Variants in GLTP observed in about 807,000 individuals in gnomAD.
The protein encoded by GLTP is glycolipid transfer protein.
GLTP carries 22 observed loss-of-function variants against 24.0 expected under a neutral mutation model. The ratio of observed to expected loss-of-function variants is 0.92; its 90% CI spans 0.65 to 1.31. The LOEUF is 1.31. GLTP is among the 50% of genes most tolerant of loss of function. GLTP has a pLI of 0.00. For synonymous variants in GLTP, 92 were observed against 115.9 expected, an observed-to-expected ratio of 0.79 and a Z score of 1.33; for missense variants, 224 against 276.6, an observed-to-expected ratio of 0.81 and a Z score of 1.35.
chr12:109,860,812 C>T (rs1892862872), intron 1 of GLTP, among the ~76,000 whole-genome samples: 1 of 152,230 alleles, frequency 6.6e-6, no homozygotes, highest in Non-Finnish European at 1.5e-5. Context: ...GCCTGCCTCT[C>T]CTCCTCTCCC....
At chr12:109,867,166 T>C (rs1868555659) in intron 1 of GLTP, among the ~76,000 whole-genome samples, 1 of 151,998 alleles carries the variant, frequency 6.6e-6, no homozygotes. Context: ...CTTTTTTTTT[T>C]GAGACAGAGT....
At chr12:109,854,950 G>A (rs888389214) in intron 4 of GLTP, among the ~76,000 whole-genome samples, 19 of 152,250 alleles carry the variant, frequency 1.2e-4, no homozygotes, top group Non-Finnish European at 2.4e-4. Flanking sequence ...GGGTGGGCAG[G>A]CAGAGGGAGC....
intron 1 of GLTP, among the ~76,000 whole-genome samples, chr12:109,869,830 C>T (rs1234994707): frequency 6.6e-6 from 1 of 151,702 alleles, no homozygotes; most frequent in Non-Finnish European, 1.5e-5. Flanking sequence ...AGTGCAGTGG[C>T]GCGATCTCGG....
chr12:109,852,779 G>C (rs1892744532), intron 4 of GLTP, 42 bp from the exon 5 acceptor site: 1 of 1,375,540 alleles, frequency 7.3e-7, no homozygotes, highest in Non-Finnish European at 1.0e-6. Context: ...GCGTTAGCGG[G>C]GGCTGAGGAG....
At position 109,857,975 on chromosome 12, in the gene GLTP, A is replaced by G; in HGVS notation, c.163-316T>C. On this transcript the variant is annotated intron_variant, in intron 2 of 4. Transcript: ENST00000318348. This position sits in a 1 kb window ranked among gnomAD's most constrained non-coding sequence, Gnocchi z 4.3. Reference sequence around the variant, plus strand: ...AGGTCACACAGTTGGTACAGAGTTCATGTTCTCCAGCCACTACTGACACTG... The same window carrying G: ...AGGTCACACAGTTGGTACAGAGTTCGTGTTCTCCAGCCACTACTGACACTG... 2.3e-6 allele frequency: 1 copy of G among 439,670 alleles called. No individual in the cohort carries two copies. The highest frequency in any genetic ancestry group is 1.9e-5 in the South Asian group (1 of 51,890). 27.2% of individuals were successfully genotyped at this position (439,670 alleles called of 1,614,324 possible).
intron 1 of GLTP, among the ~76,000 whole-genome samples, chr12:109,865,968 G>C (rs1256165196): frequency 7.9e-5 from 12 of 152,144 alleles, no homozygotes; most frequent in African/African-American, 2.9e-4. Context: ...CCTCCTATAT[G>C]GGGGAGACGA....
intron 1 of GLTP, among the ~76,000 whole-genome samples, chr12:109,862,694 G>A (rs1394500688): frequency 2.6e-5 from 4 of 152,188 alleles, no homozygotes; most frequent in African/African-American, 9.6e-5. Context: ...AGGCTGCAAT[G>A]AGCTATGATT....
intron 1 of GLTP, 33 bp from the exon 2 acceptor site, chr12:109,858,774 C>T (rs751786915): frequency 1.8e-5 from 27 of 1,486,634 alleles, no homozygotes; most frequent in East Asian, 4.5e-5. Flanking sequence ...GATTGAGATT[C>T]GCAGCAAGAG....
chr12:109,854,008 G>A (rs1406425337), intron 4 of GLTP, among the ~76,000 whole-genome samples: 1 of 148,950 alleles, frequency 6.7e-6, no homozygotes, highest in Non-Finnish European at 1.5e-5. Context: ...GCCTCCCAAA[G>A]TGCTGGGATT....
At chr12:109,867,500 T>C (rs1473477790) in intron 1 of GLTP, among the ~76,000 whole-genome samples, 1 of 152,128 alleles carries the variant, frequency 6.6e-6, no homozygotes, top group Non-Finnish European at 1.5e-5. Context: ...CAGAATCTCC[T>C]GCAAAGAGAA....
intron 1 of GLTP, among the ~76,000 whole-genome samples, chr12:109,871,119 GCT>G: frequency 8.1e-6 from 1 of 123,594 alleles, no homozygotes; most frequent in African/African-American, 3.2e-5. Flanking sequence ...ACGGACTCTC[GCT>G]CTGTCCCAGG....
At chr12:109,870,925 T>C (rs187403832) in intron 1 of GLTP, among the ~76,000 whole-genome samples, 6 of 152,180 alleles carry the variant, frequency 3.9e-5, no homozygotes, top group African/African-American at 1.4e-4. Flanking sequence ...GCAATGACTT[T>C]GAAAAGCTCA....
At position 109,869,197 on chromosome 12, in the gene GLTP, G is replaced by C. The variant is rs112810447; in HGVS notation, c.104-10456C>G. ...CGTCTGTAATCCAAGTTTCTCAGGAGGCTGAGGCAGGAGAATCACTTGAAC... is the reference window on the plus strand; with the variant it reads ...CGTCTGTAATCCAAGTTTCTCAGGACGCTGAGGCAGGAGAATCACTTGAAC... On this transcript the variant is annotated intron_variant, in intron 1 of 4. Transcript: ENST00000318348. Among the ~76,000 whole-genome samples the C allele has an allele frequency of 4.0e-3, 607 of 151,428 alleles. 2 individuals are homozygous for C. The highest frequency in any genetic ancestry group is 0.014 in the African/African-American group (582 of 41,314).
chr12:109,862,750 TA>T (rs944439783), intron 1 of GLTP, among the ~76,000 whole-genome samples: 1 of 137,956 alleles, frequency 7.2e-6, no homozygotes, highest in Non-Finnish European at 1.5e-5. Flanking sequence ...ACTCCATCTC[TA>T]AAAAAAAATT....
At chr12:109,860,946 C>T (rs557682685) in intron 1 of GLTP, among the ~76,000 whole-genome samples, 4 of 152,294 alleles carry the variant, frequency 2.6e-5, no homozygotes, top group South Asian at 2.1e-4. Context: ...GACAGATTAC[C>T]GGGCTTCCAT....
At chr12:109,856,003 G>C (rs896324155) in intron 3 of GLTP, among the ~76,000 whole-genome samples, 1 of 152,112 alleles carries the variant, frequency 6.6e-6, no homozygotes, top group Non-Finnish European at 1.5e-5. Flanking sequence ...CCCATGACAA[G>C]TCACACTGGC....
At chr12:109,854,582 A>C in intron 4 of GLTP, among the ~76,000 whole-genome samples, 1 of 152,136 alleles carries the variant, frequency 6.6e-6, no homozygotes, top group East Asian at 1.9e-4. Flanking sequence ...TCTGAGCGTC[A>C]CTGTCCTCAT....
chr12:109,854,641 A>G (rs1402393808), intron 4 of GLTP, among the ~76,000 whole-genome samples: 1 of 152,170 alleles, frequency 6.6e-6, no homozygotes, highest in African/African-American at 2.4e-5. Flanking sequence ...GCATCTGTGA[A>G]GATTACAATT....
At chr12:109,866,901 A>T (rs1868545483) in intron 1 of GLTP, among the ~76,000 whole-genome samples, 1 of 150,572 alleles carries the variant, frequency 6.6e-6, no homozygotes, top group African/African-American at 2.4e-5. Flanking sequence ...TTGGGACTAC[A>T]GATGTGCACC....
Sources: allele counts gnomAD v4.1 joint callset (sites outside exome capture counted in the v4.1 genomes callset), GRCh38; gene constraint gnomAD v4.1.1; non-coding constraint Gnocchi (gnomAD v3.1); transcripts MANE v1.5; gene names NCBI Gene and HGNC (gene_info 2026-07-23, HGNC 2026-07-21).